The following DAB1 variants were observed in gnomAD, a reference collection of about 807,000 sequenced individuals.
DAB1 encodes the protein DAB adaptor protein 1.
A neutral mutation model predicts 64.6 loss-of-function variants in DAB1; 15 were observed. The observed-to-expected ratio is 0.23, with a 90% CI of 0.16 to 0.36. The LOEUF is 0.36. Among genes scored for constraint, DAB1 ranks in the 10% least tolerant of loss-of-function variants. DAB1 has a pLI of 1.00. For missense variants in DAB1, 596 were observed against 706.7 expected, an observed-to-expected ratio of 0.84 and a Z score of 1.78; for synonymous variants, 235 against 251.9, an observed-to-expected ratio of 0.93 and a Z score of 0.64.
At chr1:57,133,092 T>C (rs757356497) in intron 4 of DAB1, among the ~76,000 whole-genome samples, 13 of 152,156 alleles carry the variant, frequency 8.5e-5, no homozygotes, top group Non-Finnish European at 1.5e-4. Flanking sequence ...AGAATTGCCG[T>C]AGCATACTTA....
chr1:57,090,987 G>A (rs1050530189), intron 4 of DAB1, among the ~76,000 whole-genome samples: 3 of 152,104 alleles, frequency 2.0e-5, no homozygotes, highest in African/African-American at 7.2e-5. Context: ...GATCTAAGGT[G>A]GAACAGTTTT....
At chr1:57,924,626 A>AATTTTTTTTTTTT (rs1553143934) in intron 5 of DAB1, among the ~76,000 whole-genome samples, 1 of 131,806 alleles carries the variant, frequency 7.6e-6, no homozygotes, top group Non-Finnish European at 1.6e-5. Context: ...CACTTGGCTA[A>AATTTTTTTTTTTT]TTTTTTTTTT....
intron 1 of DAB1, among the ~76,000 whole-genome samples, chr1:57,347,360 A>G (rs921302288): frequency 2.6e-5 from 4 of 152,000 alleles, no homozygotes; most frequent in Non-Finnish European, 5.9e-5. Context: ...GAAATATCCC[A>G]TTTTTCTCAC....
intron 3 of DAB1, among the ~76,000 whole-genome samples, chr1:57,143,825 GC>G (rs1658845557): frequency 6.8e-6 from 1 of 146,560 alleles, no homozygotes; most frequent in Non-Finnish European, 1.5e-5. Flanking sequence ...CACCTAACAA[GC>G]TTTTTTTTTT....
intron 3 of DAB1, among the ~76,000 whole-genome samples, chr1:58,406,320 G>A (rs1644615177): frequency 6.6e-6 from 1 of 152,154 alleles, no homozygotes; most frequent in Non-Finnish European, 1.5e-5. Flanking sequence ...ATCTCTGAAA[G>A]CAAAAAGAGA....
intron 2 of DAB1, among the ~76,000 whole-genome samples, chr1:57,207,446 C>CTTTTTT (rs772989513): frequency 0.037 from 3,680 of 98,350 alleles, 617 homozygotes; most frequent in African/African-American, 0.057. Flanking sequence ...TATTTCCTTT[C>CTTTTTT]TTTTTTTTTT....
chr1:57,227,622 T>C (rs1403870342), intron 2 of DAB1, among the ~76,000 whole-genome samples: 1 of 151,766 alleles, frequency 6.6e-6, no homozygotes, highest in Non-Finnish European at 1.5e-5. Context: ...AGTGGCATGA[T>C]CTCGGTTCAC....
intron 2 of DAB1, among the ~76,000 whole-genome samples, chr1:57,212,261 T>C (rs993562995): frequency 6.6e-6 from 1 of 151,666 alleles, no homozygotes; most frequent in African/African-American, 2.4e-5. Context: ...TGGTCCGAGA[T>C]TAGGTGGTTA....
chr1:57,360,938 T>C (rs1679497537), intron 1 of DAB1, among the ~76,000 whole-genome samples: 1 of 152,256 alleles, frequency 6.6e-6, no homozygotes, highest in East Asian at 1.9e-4. Context: ...ATATGTCGCC[T>C]ATTATGTAAG....
chr1:57,343,677 G>A (rs1017643347), intron 1 of DAB1, among the ~76,000 whole-genome samples: 3 of 152,168 alleles, frequency 2.0e-5, no homozygotes, highest in East Asian at 3.9e-4. Flanking sequence ...GCCTGGGGCC[G>A]GTGGGGCCGG....
intron 3 of DAB1, among the ~76,000 whole-genome samples, chr1:58,436,553 T>C (rs1262700248): frequency 1.3e-5 from 2 of 152,226 alleles, no homozygotes; most frequent in Non-Finnish European, 2.9e-5. Flanking sequence ...GTTGGCTCCT[T>C]CTTAATGGTC....
intron 2 of DAB1, among the ~76,000 whole-genome samples, chr1:57,147,116 G>A (rs780002168): frequency 4.7e-5 from 7 of 150,420 alleles, no homozygotes; most frequent in African/African-American, 1.2e-4. Context: ...CTGCAGCCAC[G>A]ACCTCCCAGG....
At chr1:57,025,250 T>C (rs541546788) in intron 10 of DAB1, among the ~76,000 whole-genome samples, 2 of 152,318 alleles carry the variant, frequency 1.3e-5, no homozygotes, top group African/African-American at 4.8e-5. Flanking sequence ...CATCCAGCAC[T>C]GGGATTCTGT....
intron 1 of DAB1, among the ~76,000 whole-genome samples, chr1:57,383,183 G>C (rs1293040343): frequency 6.6e-6 from 1 of 152,124 alleles, no homozygotes; most frequent in Non-Finnish European, 1.5e-5. Flanking sequence ...GATTAGGAAA[G>C]AGCTGAAGTC....
In DAB1 at chr1:58,300,520, C is replaced by A. The variant is rs184871552; in HGVS notation, n.309+42832G>T. Among the ~76,000 whole-genome samples the A allele has an allele frequency of 2.6e-3, 381 of 144,086 alleles. 1 individual carries two copies. The highest frequency in any genetic ancestry group is 3.7e-3 in the Non-Finnish European group (248 of 66,730). 94.5% of individuals were successfully genotyped at this position (144,086 alleles called of 152,430 possible). Reference sequence around the variant, plus strand: ...TGAGATCACACTATTGCACTCCAGCCTGGGCAACAAAAGTGAAACTCTGAA... The same window carrying A: ...TGAGATCACACTATTGCACTCCAGCATGGGCAACAAAAGTGAAACTCTGAA... On this transcript the variant is annotated intron_variant and non_coding_transcript_variant, in intron 4 of 20. Transcript: ENST00000485760.
At chr1:57,357,610 A>G (rs1019314746) in intron 1 of DAB1, among the ~76,000 whole-genome samples, 3 of 145,434 alleles carry the variant, frequency 2.1e-5, no homozygotes, top group Non-Finnish European at 3.0e-5. Context: ...TGAATTTGTC[A>G]TGCTGCTACG....
intron 4 of DAB1, among the ~76,000 whole-genome samples, chr1:58,317,001 C>A (rs939398355): frequency 1.3e-5 from 2 of 152,192 alleles, no homozygotes; most frequent in African/African-American, 4.8e-5. Flanking sequence ...TGATCCATAA[C>A]CAATCAGTTC....
chr1:57,716,974 C>T (rs909163109), intron 6 of DAB1, among the ~76,000 whole-genome samples: 6 of 152,162 alleles, frequency 3.9e-5, no homozygotes, highest in African/African-American at 9.7e-5. Context: ...GACACTGTGG[C>T]TCATGCCTGT....
At chr1:57,113,050 G>T (rs1655807340) in intron 4 of DAB1, among the ~76,000 whole-genome samples, 1 of 152,152 alleles carries the variant, frequency 6.6e-6, no homozygotes, top group African/African-American at 2.4e-5. Flanking sequence ...AAAAGGGGGT[G>T]AACAGACTCA....
Sources: gnomAD v4.1 joint callset for allele counts (sites outside exome capture counted in the v4.1 genomes callset) on GRCh38, gnomAD v4.1.1 for gene constraint, MANE v1.5 for transcripts, NCBI Gene and HGNC (gene_info 2026-07-23, HGNC 2026-07-21) for gene names.